ZDHHC11B: variants seen among roughly 807,000 people sequenced by gnomAD.
ZDHHC11B encodes probable palmitoyltransferase ZDHHC11B.
ZDHHC11B carries 17 observed loss-of-function variants against 42.3 expected under a neutral mutation model. The observed-to-expected ratio is 0.40, with a 90% confidence interval of 0.27 to 0.60. ZDHHC11B has a LOEUF of 0.60. ZDHHC11B is among the 20% of genes least tolerant of loss of function. ZDHHC11B has a pLI of 0.41. For missense variants in ZDHHC11B, 262 were observed against 463.2 expected (o/e 0.57, Z 3.99); for synonymous variants, 123 against 193.5 (o/e 0.64, Z 3.02).
chr5:732,330 C>T (rs1579275608), intron 11 of ZDHHC11B: 1 of 201,496 alleles, frequency 5.0e-6, no homozygotes, highest in Non-Finnish European at 1.0e-5. Context: ...TGTGGCTTCA[C>T]TATTCATCCA....
At chr5:717,601 C>T (rs1407540152) in intron 12 of ZDHHC11B, among the ~76,000 whole-genome samples, 5 of 151,824 alleles carry the variant, frequency 3.3e-5, no homozygotes, top group African/African-American at 1.2e-4. Flanking sequence ...TGATCCAATC[C>T]TTAAAAATTA....
At chr5:760,829 C>T (rs1314246380) in intron 4 of ZDHHC11B, among the ~76,000 whole-genome samples, 1 of 151,714 alleles carries the variant, frequency 6.6e-6, no homozygotes, top group Non-Finnish European at 1.5e-5. Flanking sequence ...GCCCACCCTC[C>T]CAAGGAACCG....
At chr5:776,296 A>C (rs1736475301) in intron 1 of ZDHHC11B, among the ~76,000 whole-genome samples, 1 of 151,850 alleles carries the variant, frequency 6.6e-6, no homozygotes, top group Non-Finnish European at 1.5e-5. Flanking sequence ...CACAGGTCCC[A>C]CCTTGGCACC....
In ZDHHC11B at chr5:764,481, G is replaced by A. The variant is rs1366098921; in HGVS notation, c.222+2217C>T. On this transcript the variant is annotated intron_variant, in intron 4 of 13. Coordinates refer to ENST00000508859, the MANE Select transcript of ZDHHC11B (RefSeq NM_001351303.2). ...GCAGCCGGCCGGCACTGCCGGCCCC[G>A]GGCAGTGAGGGGCTTAGCACCTAGG... Among the ~76,000 whole-genome samples, 15 of 152,034 alleles carry A rather than the reference G, an allele frequency of 9.9e-5. No individual in the cohort carries two copies. The South Asian group carries it at 1.0e-3, about 11-fold the overall frequency.
intron 9 of ZDHHC11B, among the ~76,000 whole-genome samples, chr5:742,911 T>C (rs548480082): frequency 6.7e-6 from 1 of 149,606 alleles, no homozygotes; most frequent in African/African-American, 2.4e-5. Flanking sequence ...TTTGTCTCAC[T>C]AAAGATCACA....
chr5:773,020 G>A (rs1409158372), intron 1 of ZDHHC11B, among the ~76,000 whole-genome samples: 2 of 152,020 alleles, frequency 1.3e-5, no homozygotes, highest in Non-Finnish European at 2.9e-5. Context: ...GTCTGGAGGA[G>A]CAGGACACGG....
intron 6 of ZDHHC11B, among the ~76,000 whole-genome samples, chr5:753,904 T>C (rs557673107): frequency 3.4e-5 from 5 of 145,588 alleles, no homozygotes; most frequent in African/African-American, 1.2e-4. Context: ...ACAGAGTAGC[T>C]GGGGAGCAGG....
chr5:718,937 C>T (rs1741981690), intron 12 of ZDHHC11B, among the ~76,000 whole-genome samples: 2 of 151,714 alleles, frequency 1.3e-5, no homozygotes, highest in African/African-American at 4.9e-5. Flanking sequence ...AATACAGAGG[C>T]TTGCCTTGGT....
chr5:784,310 G>C (rs1346034575), intron 1 of ZDHHC11B, among the ~76,000 whole-genome samples: 2 of 151,890 alleles, frequency 1.3e-5, no homozygotes, highest in African/African-American at 4.8e-5. Flanking sequence ...CCCCGGGCTG[G>C]GCAGGGTCTG....
intron 11 of ZDHHC11B, chr5:732,569 C>G (rs1743096799): frequency 6.5e-5 from 28 of 430,692 alleles, no homozygotes; most frequent in South Asian, 4.7e-4. Context: ...TCTTGGACAC[C>G]AGCCTCACTG....
chr5:733,142 C>T lies in ZDHHC11B; in HGVS notation c.1023+610G>A, dbSNP rs558614470. On this transcript the variant is annotated intron_variant, in intron 11 of 13. Coordinates refer to ENST00000508859, the MANE Select transcript of ZDHHC11B (RefSeq NM_001351303.2). ...AATATGTGGCCCTAAAGCCGGCAGCCGCGCTGGTCTTTTCCTGTGAAGGAT... is the reference window on the plus strand; with the variant it reads ...AATATGTGGCCCTAAAGCCGGCAGCTGCGCTGGTCTTTTCCTGTGAAGGAT... Among the ~76,000 whole-genome samples, 1,088 of 150,608 alleles carry T rather than the reference C, an allele frequency of 7.2e-3. 34 individuals carry two copies. The highest frequency in any genetic ancestry group is 0.025 in the African/African-American group (999 of 40,708).
At position 748,435 on chromosome 5, in the gene ZDHHC11B, C is replaced by T; in HGVS notation, c.753G>A (p.Leu251=). The part of the protein sequence containing the change: ...LLLDLLGLVQ[L]GQLLIFHIYL... Reference sequence around the variant, plus strand: ...AGATGTGGAAGATGAGCAGCTGGCCCAGCTGCACCAAGCCAAGAAGGTCCA... The same window carrying T: ...AGATGTGGAAGATGAGCAGCTGGCCTAGCTGCACCAAGCCAAGAAGGTCCA... The change falls in exon 8 of 14, where the codon CTG becomes CTA. Residue 251 remains leucine, a synonymous_variant. Transcript: ENST00000508859. The T allele has an allele frequency of 7.4e-7, 1 of 1,360,004 alleles. No homozygotes were observed. Among genetic ancestry groups the T allele is most frequent in the Non-Finnish European group, 9.8e-7 (1 of 1,023,590 alleles). The allele number at this position is 1,360,004 out of a possible 1,614,324, so 84.2% of individuals were successfully genotyped here.
Position 777,321 on chromosome 5 carries a change from T to G in ZDHHC11B, c.-230+7347A>C, listed in dbSNP as rs924177271. 6.6e-5 allele frequency among the ~76,000 whole-genome samples: 10 copies of G among 151,854 alleles called. No individual in the cohort carries two copies. In the East Asian group the frequency reaches 1.9e-3, roughly 29 times the overall value. On this transcript the variant is annotated intron_variant, in intron 1 of 13. Coordinates refer to ENST00000508859, the MANE Select transcript of ZDHHC11B (RefSeq NM_001351303.2). ...CCGGCTTCAATTCAGACCTCAGTGG[T>G]GAGTGTTACTTACGCCTCTCAGAGA...
intron 1 of ZDHHC11B, among the ~76,000 whole-genome samples, chr5:769,932 A>C (rs1735853091): frequency 6.6e-6 from 1 of 151,854 alleles, no homozygotes; most frequent in Non-Finnish European, 1.5e-5. Flanking sequence ...GCTGCTCCCA[A>C]GGAGCCCTGA....
intron 1 of ZDHHC11B, among the ~76,000 whole-genome samples, chr5:770,165 C>G (rs190874357): frequency 6.7e-6 from 1 of 149,912 alleles, no homozygotes; most frequent in Non-Finnish European, 1.5e-5. Flanking sequence ...CATGTCCCAG[C>G]TGAGCCGGGT....
chr5:756,075 A>C lies in ZDHHC11B; in HGVS notation c.292T>G (p.Ser98Ala). The C allele has an allele frequency of 7.3e-7, 1 of 1,372,326 alleles. No individual in the cohort carries two copies. The allele number at this position is 1,372,326 out of a possible 1,614,324, so 85.0% of individuals were successfully genotyped here. ...LIASCIDPAD[S>A]NVRLMKNYSQ... ...TAGTTCTTCATGAGTCTGACATTGG[A>C]GTCGGCCGGGTCGATGCAGGACGCG... is the stretch of plus-strand genomic sequence containing the variant. The change falls in exon 5 of 14, where the codon TCC becomes GCC. Residue 98 changes from serine to alanine, a missense_variant. Around this residue, in one of 5 missense-constraint regions of ZDHHC11B, gnomAD observed 33 missense variants for 174.6 expected, o/e 0.19. Transcript: ENST00000508859.
intron 6 of ZDHHC11B, among the ~76,000 whole-genome samples, chr5:752,797 G>A (rs1401530450): frequency 9.8e-6 from 1 of 102,108 alleles, no homozygotes; most frequent in African/African-American, 2.9e-5. Flanking sequence ...CAGTGGACAC[G>A]CCCTACCCTG....
At chr5:749,344 G>A (rs1387856558) in intron 7 of ZDHHC11B, among the ~76,000 whole-genome samples, 12 of 130,564 alleles carry the variant, frequency 9.2e-5, no homozygotes, top group African/African-American at 3.0e-4. Flanking sequence ...AATGCAGAAT[G>A]GCAGAGGGCC....
intron 7 of ZDHHC11B, among the ~76,000 whole-genome samples, chr5:750,792 A>C (rs1341793330): frequency 7.7e-6 from 1 of 129,738 alleles, no homozygotes; most frequent in African/African-American, 2.5e-5. Flanking sequence ...ACCCTCCCAC[A>C]GCTACATGGC....
Sources: gnomAD v4.1 joint callset for allele counts (sites outside exome capture counted in the v4.1 genomes callset) on GRCh38, gnomAD v4.1.1 for gene constraint, gnomAD v4.1.1 regional missense constraint, MANE v1.5 for transcripts, NCBI Gene and HGNC (gene_info 2026-07-23, HGNC 2026-07-21) for gene names.